Variants in FAXC observed in about 807,000 individuals in gnomAD.
The protein encoded by FAXC is failed axon connections homolog.
In FAXC, 10 loss-of-function variants were observed where a neutral mutation model predicts 41.9. The ratio of observed to expected loss-of-function variants is 0.24; its 90% CI spans 0.15 to 0.41. The LOEUF (loss-of-function observed/expected upper bound fraction) is 0.41, where lower values mean the gene tolerates loss of function less well. FAXC is among the 10% of genes least tolerant of loss of function. The probability of loss-of-function intolerance (pLI) is 1.00; values close to 1 mark genes in which losing one functional copy is unlikely to be tolerated. For missense variants in FAXC, 399 were observed against 510.9 expected, an observed-to-expected ratio of 0.78 and a Z score of 2.11; for synonymous variants, 183 against 183.8, an observed-to-expected ratio of 1.00 and a Z score of 0.03.
At chr6:99,292,972 A>G (rs1771303629) in intron 4 of FAXC, among the ~76,000 whole-genome samples, 1 of 152,036 alleles carries the variant, frequency 6.6e-6, no homozygotes, top group South Asian at 2.1e-4. Flanking sequence ...ACGCCTGGCT[A>G]ATTTTTGTAT....
chr6:99,334,072 A>G (rs1300557762), intron 2 of FAXC, among the ~76,000 whole-genome samples: 2 of 152,210 alleles, frequency 1.3e-5, no homozygotes, highest in Non-Finnish European at 2.9e-5. Context: ...CAAAGTATGT[A>G]CAACATATTC....
chr6:99,316,802 T>C (rs910874555), intron 4 of FAXC, among the ~76,000 whole-genome samples: 1 of 152,242 alleles, frequency 6.6e-6, no homozygotes, highest in South Asian at 2.1e-4. Context: ...CAAATAGCTA[T>C]ATACTTGGAA....
rs769078040 is a variant in FAXC at position 99,323,537 on chromosome 6, G to A, written c.730C>T (p.Arg244Cys). 6.2e-6 allele frequency: 10 copies of A among 1,614,078 alleles called. No homozygotes were observed. Among genetic ancestry groups the A allele is most frequent in the South Asian group, 5.5e-5 (5 of 91,084 alleles). The change falls in exon 4 of 6, where the codon CGC (arginine) becomes TGC (cysteine). Residue 244 changes from arginine (R) to cysteine (C), a missense_variant. Around this residue, in one of 3 missense-constraint regions of FAXC, gnomAD observed 239 missense variants for 352.7 expected, o/e 0.68. Transcript: ENST00000389677. The stretch of plus-strand genomic sequence containing the variant: ...CCAATGCCGTGGCCGTGCATCTCGC[G>A]TTTCACAATTCCTTTCGTTATGTGG... Reference protein sequence around the residue: ...VCHITKGIVKREMHGHGIGRF... With the variant: ...VCHITKGIVKCEMHGHGIGRF...
chr6:99,322,820 C>T (rs745547129), intron 4 of FAXC, among the ~76,000 whole-genome samples: 27 of 152,174 alleles, frequency 1.8e-4, no homozygotes, highest in Non-Finnish European at 2.9e-4. Flanking sequence ...CACCAGCCCG[C>T]GGGTACACAC....
At chr6:99,319,156 G>C (rs1772491211) in intron 4 of FAXC, among the ~76,000 whole-genome samples, 3 of 152,104 alleles carry the variant, frequency 2.0e-5, no homozygotes. Flanking sequence ...CCAGCACTTT[G>C]GGAGGCCGAG....
Position 99,281,047 on chromosome 6 carries a change from G to C in FAXC, c.*117C>G. The stretch of plus-strand genomic sequence containing the variant: ...AAGGCTGCTATAGTCCAGTTAGCAT[G>C]TGAAAACTCTGCCAAGCACGAAGAT... On this transcript the variant is annotated 3_prime_UTR_variant, in exon 6 of 6. Coordinates refer to ENST00000389677, the MANE Select transcript of FAXC (RefSeq NM_032511.4). 1.4e-6 allele frequency: 1 copy of C among 690,232 alleles called. No individual in the cohort carries two copies. Among genetic ancestry groups the C allele is most frequent in the East Asian group, 2.5e-5 (1 of 40,366 alleles). 42.8% of individuals were successfully genotyped at this position (690,232 alleles called of 1,614,324 possible). A position where few individuals can be genotyped will look rare whatever the true frequency, so the allele number is the denominator to read the frequency against.
intron 3 of FAXC, 56 bp downstream of exon 3, chr6:99,333,295 G>T: frequency 7.0e-7 from 1 of 1,436,182 alleles, no homozygotes. Flanking sequence ...TCTGAAAAGT[G>T]AAACAGAACC....
intron 4 of FAXC, chr6:99,309,942 G>A (rs1772094454): frequency 2.0e-6 from 2 of 981,420 alleles, no homozygotes; most frequent in African/African-American, 3.5e-5. Flanking sequence ...ACACACAGAA[G>A]TTCTACTGGA....
chr6:99,327,702 G>T (rs1029326094), intron 3 of FAXC, among the ~76,000 whole-genome samples: 3 of 152,070 alleles, frequency 2.0e-5, no homozygotes, highest in African/African-American at 7.2e-5. Context: ...CTATGTGGAT[G>T]ACCCTCAGGA....
chr6:99,332,389 T>G (rs1773057390), intron 3 of FAXC, among the ~76,000 whole-genome samples: 1 of 152,160 alleles, frequency 6.6e-6, no homozygotes, highest in Non-Finnish European at 1.5e-5. Flanking sequence ...TAACAACTCT[T>G]AATTCAATCT....
At chr6:99,292,712 G>C (rs1051801918) in intron 4 of FAXC, among the ~76,000 whole-genome samples, 1 of 152,080 alleles carries the variant, frequency 6.6e-6, no homozygotes, top group African/African-American at 2.4e-5. Context: ...TATTTCTTTG[G>C]GCTATTGTGA....
At chr6:99,297,681 T>G (rs1225235572) in intron 4 of FAXC, among the ~76,000 whole-genome samples, 3 of 151,954 alleles carry the variant, frequency 2.0e-5, no homozygotes, top group Non-Finnish European at 4.4e-5. Flanking sequence ...TCTCCAGACC[T>G]GGGCAGGACA....
chr6:99,322,727 T>G (rs1441147685), intron 4 of FAXC, among the ~76,000 whole-genome samples: 1 of 152,196 alleles, frequency 6.6e-6, no homozygotes, highest in Non-Finnish European at 1.5e-5. Flanking sequence ...AATCAAGCTC[T>G]GCCCAGTAAA....
At chr6:99,318,296 C>CAAAA (rs1363295881) in intron 4 of FAXC, among the ~76,000 whole-genome samples, 40 of 142,038 alleles carry the variant, frequency 2.8e-4, no homozygotes, top group South Asian at 9.8e-4. Flanking sequence ...CACACACACA[C>CAAAA]ACACACACAC....
At chr6:99,320,630 T>C (rs989793997) in intron 4 of FAXC, among the ~76,000 whole-genome samples, 1 of 152,228 alleles carries the variant, frequency 6.6e-6, no homozygotes, top group African/African-American at 2.4e-5. Flanking sequence ...TGTTTCTGTA[T>C]TATAAAGTAT....
chr6:99,295,405 T>G (rs1254667457), intron 4 of FAXC, among the ~76,000 whole-genome samples: 3 of 152,222 alleles, frequency 2.0e-5, no homozygotes, highest in Non-Finnish European at 4.4e-5. Context: ...GAGATTAGCA[T>G]GTGAATTAGT....
intron 4 of FAXC, among the ~76,000 whole-genome samples, chr6:99,312,282 G>C (rs1486146768): frequency 6.6e-6 from 1 of 152,178 alleles, no homozygotes; most frequent in Non-Finnish European, 1.5e-5. Context: ...TGGGAGCACG[G>C]AACAGGTTTG....
chr6:99,311,946 C>A (rs545442922), intron 4 of FAXC, among the ~76,000 whole-genome samples: 1 of 152,306 alleles, frequency 6.6e-6, no homozygotes, highest in Non-Finnish European at 1.5e-5. Context: ...TACCTGATAG[C>A]TTTACTTCTC....
Position 99,349,342 on chromosome 6 carries a change from T to C in FAXC, c.31A>G (p.Arg11Gly), listed in dbSNP as rs1391757964. ...CAGCTCAGATCCACCACGCACGGCC[T>C]GGACGAAGCAAAGCCAACCCCCCAG... The part of the protein sequence containing the change: MHWGVGFASS[R>G]PCVVDLSWNQ... The change falls in exon 1 of 6, where the codon AGG (arginine) becomes GGG (glycine). Residue 11 changes from arginine (R) to glycine (G), a missense_variant. Arg to Gly is a moderately radical substitution (Grantham distance 125). This residue lies in a region of FAXC where 68 missense variants were observed against 63.4 expected (regional missense o/e 1.07). Transcript: ENST00000389677. 7 of 1,612,440 alleles carry C rather than the reference T, an allele frequency of 4.3e-6. No homozygotes were observed. The East Asian group carries it at 8.9e-5, about 21-fold the overall frequency.
Sources: gnomAD v4.1 joint callset for allele counts (sites outside exome capture counted in the v4.1 genomes callset) on GRCh38, gnomAD v4.1.1 for gene constraint, gnomAD v4.1.1 regional missense constraint, MANE v1.5 for transcripts, NCBI Gene and HGNC (gene_info 2026-07-23, HGNC 2026-07-21) for gene names.